CRACR2A: variants seen among roughly 807,000 people sequenced by gnomAD.
CRACR2A encodes calcium release activated channel regulator 2A.
Under a neutral mutation model 90.5 loss-of-function variants are expected in CRACR2A, and 79 were observed. The ratio of observed to expected loss-of-function variants is 0.87; its 90% CI spans 0.73 to 1.05. The LOEUF is 1.05. Among genes scored for constraint, CRACR2A ranks in the 50% least tolerant of loss-of-function variants. The pLI, the probability that CRACR2A is intolerant of heterozygous loss-of-function variation, is 0.00. For synonymous variants in CRACR2A, 338 were observed against 356.7 expected (o/e 0.95, Z 0.59); for missense variants, 823 against 897.2 (o/e 0.92, Z 1.06).
intron 4 of CRACR2A, among the ~76,000 whole-genome samples, chr12:3,694,062 G>A (rs537857630): frequency 2.3e-4 from 35 of 152,234 alleles, no homozygotes; most frequent in African/African-American, 6.7e-4. Context: ...ATGAGTCCCC[G>A]TGCATGGTAG....
chr12:3,724,680 C>T (rs1047182550), intron 2 of CRACR2A, among the ~76,000 whole-genome samples: 1 of 152,186 alleles, frequency 6.6e-6, no homozygotes, highest in Non-Finnish European at 1.5e-5. Flanking sequence ...TCACCCAGAC[C>T]GTCTGGGGCT....
intron 4 of CRACR2A, 125 bp downstream of exon 4, chr12:3,696,647 T>C: frequency 7.2e-7 from 1 of 1,390,458 alleles, no homozygotes; most frequent in Non-Finnish European, 9.8e-7. Flanking sequence ...AGATCCTTCC[T>C]TCCAAGACAG....
chr12:3,641,648 T>C (rs1944573166), intron 13 of CRACR2A, 84 bp downstream of exon 13: 1 of 1,233,544 alleles, frequency 8.1e-7, no homozygotes, highest in African/African-American at 1.5e-5. Flanking sequence ...TCTCAAGGGG[T>C]CAGCAGGCAC....
intron 17 of CRACR2A, among the ~76,000 whole-genome samples, chr12:3,624,641 T>C (rs1944221225): frequency 6.6e-6 from 1 of 152,238 alleles, no homozygotes; most frequent in Admixed American, 6.5e-5. Context: ...GCTCCTAGTG[T>C]GTGCTGGACA....
rs977744811 is a variant in CRACR2A at position 3,753,099 on chromosome 12, C to T, written c.-471G>A. 1 of 152,356 alleles carries T rather than the reference C, an allele frequency of 6.6e-6. No homozygotes were observed. Among genetic ancestry groups the T allele is most frequent in the Non-Finnish European group, 1.5e-5 (1 of 68,122 alleles). The allele number at this position is 152,356 out of a possible 1,614,324, so 9.4% of individuals were successfully genotyped here. A position where few individuals can be genotyped will look rare whatever the true frequency, so the allele number is the denominator to read the frequency against. ...AAGCAGCCGCCTGCTCCGCCCGACT[C>T]TTTCCGCTCCGAGCCGCGCGGGCTG... On this transcript the variant is annotated 5_prime_UTR_variant, in exon 1 of 20. Transcript: ENST00000440314.
At chr12:3,615,740 C>G (rs1326625907) in intron 19 of CRACR2A, among the ~76,000 whole-genome samples, 1 of 152,242 alleles carries the variant, frequency 6.6e-6, no homozygotes. Context: ...CTTCCTCTGT[C>G]ATGACCCCAT....
At chr12:3,647,978 G>T in intron 11 of CRACR2A, 1 of 985,610 alleles carries the variant, frequency 1.0e-6, no homozygotes, top group Non-Finnish European at 1.2e-6. Flanking sequence ...GGGGGTCTTT[G>T]AAGGCTGAGA....
intron 4 of CRACR2A, among the ~76,000 whole-genome samples, chr12:3,694,752 G>A (rs1003543474): frequency 2.0e-5 from 3 of 152,154 alleles, no homozygotes; most frequent in South Asian, 4.1e-4. Context: ...TAAATGACAC[G>A]CTCAGTTCCC....
intron 13 of CRACR2A, among the ~76,000 whole-genome samples, chr12:3,639,947 T>A (rs1944534729): frequency 6.6e-6 from 1 of 152,066 alleles, no homozygotes; most frequent in African/African-American, 2.4e-5. Context: ...TTACTCTGCT[T>A]ACACACACAC....
chr12:3,656,218 G>A, intron 9 of CRACR2A, 93 bp downstream of exon 9: 3 of 1,260,972 alleles, frequency 2.4e-6, no homozygotes, highest in Non-Finnish European at 3.5e-6. Context: ...AAACTCAAAA[G>A]TCCTTAAGTG....
intron 8 of CRACR2A, 102 bp downstream of exon 8, chr12:3,659,462 T>G: frequency 1.1e-6 from 1 of 870,822 alleles, no homozygotes; most frequent in South Asian, 1.6e-5. Context: ...AAAGAGGGAA[T>G]CAATAGTGCA....
intron 11 of CRACR2A, among the ~76,000 whole-genome samples, chr12:3,645,359 G>A (rs1179113143): frequency 6.6e-6 from 1 of 152,222 alleles, no homozygotes; most frequent in Non-Finnish European, 1.5e-5. Context: ...CAAGAAATAG[G>A]AGGAAGTAGA....
rs61537702 is a variant in CRACR2A, at chr12:3,680,396, G to T, written c.229-47C>A. The T allele has an allele frequency of 1.3e-5, 20 of 1,540,474 alleles. No individual in the cohort carries two copies. The Admixed American group carries it at 1.3e-4, about 10-fold the overall frequency. ...CTGGTTAACACTGACACTCACTGGT[G>T]GGGGAGGTGACCTGGGACTGCAGAG... On this transcript the variant is annotated intron_variant, in intron 4 of 19. Transcript: ENST00000440314.
chr12:3,649,239 G>GATAA (rs367646184), intron 10 of CRACR2A, among the ~76,000 whole-genome samples: 1,892 of 149,084 alleles, frequency 0.013, 35 homozygotes, highest in East Asian at 0.078. Flanking sequence ...ACAATAATAA[G>GATAA]ATAAATAAAT....
At chr12:3,745,385 C>T (rs993799087) in intron 1 of CRACR2A, among the ~76,000 whole-genome samples, 2 of 150,862 alleles carry the variant, frequency 1.3e-5, no homozygotes, top group Non-Finnish European at 2.9e-5. Flanking sequence ...CCCACCGTGT[C>T]CTCCTCTGGG....
At chr12:3,719,208 C>A (rs1414993583) in intron 2 of CRACR2A, among the ~76,000 whole-genome samples, 3 of 152,210 alleles carry the variant, frequency 2.0e-5, no homozygotes, top group African/African-American at 7.2e-5. Flanking sequence ...TACTGAATCC[C>A]TTACCTCCCA....
chr12:3,680,930 G>T (rs563730405), intron 4 of CRACR2A, among the ~76,000 whole-genome samples: 28 of 151,390 alleles, frequency 1.8e-4, no homozygotes, highest in African/African-American at 6.6e-4. Flanking sequence ...GTAGTAGGGA[G>T]GCAGAGAGAG....
Position 3,617,569 on chromosome 12 carries a change from G to A in CRACR2A, c.2035-539C>T, listed in dbSNP as rs765588758. 1.1e-4 allele frequency among the ~76,000 whole-genome samples: 16 copies of A among 152,282 alleles called. 1 individual carries two copies. The highest frequency in any genetic ancestry group is 7.8e-4 in the Admixed American group (12 of 15,296). ...GGCACTCCGGTAGGAATTCTCTTTCGCACCAGTTAATTAATACTCTAGCTG... is the reference window on the plus strand; with the variant it reads ...GGCACTCCGGTAGGAATTCTCTTTCACACCAGTTAATTAATACTCTAGCTG... On this transcript the variant is annotated intron_variant, in intron 18 of 19. Transcript: ENST00000440314.
chr12:3,624,825 C>A (rs1027346904), intron 17 of CRACR2A, among the ~76,000 whole-genome samples: 2 of 152,246 alleles, frequency 1.3e-5, no homozygotes, highest in Non-Finnish European at 2.9e-5. Flanking sequence ...GCAGAGACTG[C>A]ATTTTAAGAA....
Sources: gnomAD v4.1 joint callset for allele counts (sites outside exome capture counted in the v4.1 genomes callset) on GRCh38, gnomAD v4.1.1 for gene constraint, MANE v1.5 for transcripts, NCBI Gene and HGNC (gene_info 2026-07-23, HGNC 2026-07-21) for gene names.